The following ATP8B4 variants were observed in gnomAD, a reference collection of about 807,000 sequenced individuals.
The protein encoded by ATP8B4 is probable phospholipid-transporting ATPase IM.
A neutral mutation model predicts 145.6 loss-of-function variants in ATP8B4; 133 were observed. The ratio of observed to expected loss-of-function variants is 0.91; its 90% CI spans 0.79 to 1.05. ATP8B4 has a LOEUF of 1.05. Ranked by LOEUF, ATP8B4 falls within the 50% of genes least tolerant of loss-of-function variation. ATP8B4 has a pLI of 0.00. For missense variants in ATP8B4, 1,458 were observed against 1,425.2 expected (o/e 1.02, Z -0.37); for synonymous variants, 507 against 492.9 (o/e 1.03, Z -0.38).
rs571081231 is a variant in ATP8B4 at position 50,130,800 on chromosome 15, A to C, written c.-42-23792T>G. On this transcript the variant is annotated intron_variant, in intron 1 of 3. Transcript: ENST00000558829. The stretch of plus-strand genomic sequence containing the variant: ...AAAAAAAATTAAAAAAATAAAAATA[A>C]ATAAGAGTCTTGGATTGCAATGTCT... Among the ~76,000 whole-genome samples, 3 of 152,168 alleles carry C rather than the reference A, an allele frequency of 2.0e-5. No homozygotes were observed. The East Asian group carries it at 5.8e-4, about 29-fold the overall frequency.
At chr15:50,092,015 T>G (rs1202334725) in intron 2 of ATP8B4, among the ~76,000 whole-genome samples, 1 of 152,088 alleles carries the variant, frequency 6.6e-6, no homozygotes, top group African/African-American at 2.4e-5. Context: ...AACCTGATAT[T>G]CTGTACCTTT....
At chr15:50,052,480 G>A (rs114062754) in intron 3 of ATP8B4, among the ~76,000 whole-genome samples, 383 of 152,338 alleles carry the variant, frequency 2.5e-3, no homozygotes, top group African/African-American at 8.8e-3. Context: ...GTGCCTCCCC[G>A]TAAATGAATG....
At chr15:50,149,173 A>G (rs1394333961) in intron 1 of ATP8B4, among the ~76,000 whole-genome samples, 3 of 152,188 alleles carry the variant, frequency 2.0e-5, no homozygotes, top group African/African-American at 4.8e-5. Flanking sequence ...CTGACACATG[A>G]TTAGGCTCAG....
intron 14 of ATP8B4, among the ~76,000 whole-genome samples, chr15:49,951,000 G>A (rs1020539980): frequency 6.6e-6 from 1 of 152,282 alleles, no homozygotes; most frequent in African/African-American, 2.4e-5. Context: ...ATGAAATTGT[G>A]TCATTTTGAG....
intron 16 of ATP8B4, among the ~76,000 whole-genome samples, chr15:49,928,423 G>A (rs557327876): frequency 6.6e-6 from 1 of 152,154 alleles, no homozygotes; most frequent in South Asian, 2.1e-4. Flanking sequence ...ATCCAGGGAT[G>A]GTGAGGTCTA....
intron 14 of ATP8B4, among the ~76,000 whole-genome samples, chr15:49,948,122 G>A (rs936065911): frequency 2.0e-5 from 3 of 152,010 alleles, no homozygotes; most frequent in Admixed American, 1.3e-4. Flanking sequence ...AAACAAATAA[G>A]TGGAACTATA....
At chr15:49,876,626 TA>T in intron 24 of ATP8B4, 103 bp from the exon 25 acceptor site, 1 of 1,456,532 alleles carries the variant, frequency 6.9e-7, no homozygotes. Flanking sequence ...AAACATGTCC[TA>T]AAATGCACTA....
At chr15:49,862,706 C>G (rs190113977) in intron 26 of ATP8B4, among the ~76,000 whole-genome samples, 1 of 152,156 alleles carries the variant, frequency 6.6e-6, no homozygotes, top group Non-Finnish European at 1.5e-5. Flanking sequence ...CCTCCTGCCT[C>G]GGCCTCCCAA....
At chr15:49,872,337 A>G (rs536423548) in intron 25 of ATP8B4, among the ~76,000 whole-genome samples, 2 of 152,182 alleles carry the variant, frequency 1.3e-5, no homozygotes, top group African/African-American at 2.4e-5. Context: ...CAGTTTTAAC[A>G]TATAACCACT....
intron 21 of ATP8B4, among the ~76,000 whole-genome samples, chr15:49,900,805 TTAAA>T (rs2037938547): frequency 6.6e-6 from 1 of 152,188 alleles, no homozygotes; most frequent in African/African-American, 2.4e-5. Context: ...AGAAAGGCAC[TTAAA>T]TAATACTGCT....
rs773553416 is a variant in ATP8B4 at position 49,876,486 on chromosome 15, A to G, written c.2819T>C (p.Leu940Pro). Reference sequence around the variant, plus strand: ...CAGATTCAGCTGTCCTGGTTTGTAGAGCTGGGGACAGTCCACGCTGTTCTG... The same window carrying G: ...CAGATTCAGCTGTCCTGGTTTGTAGGGCTGGGGACAGTCCACGCTGTTCTG... ...SDQNSVDCPQ[L>P]YKPGQLNLLF... Residue 940 changes from leucine to proline, a missense_variant, in exon 25 of 28, where the codon CTC becomes CCC. By Grantham distance (98) the Leu-to-Pro change is moderately conservative (BLOSUM62 -3). Coordinates refer to ENST00000284509, the MANE Select transcript of ATP8B4 (RefSeq NM_024837.4). 4.3e-6 allele frequency: 7 copies of G among 1,614,116 alleles called. No homozygotes were observed. Among genetic ancestry groups the G allele is most frequent in the Non-Finnish European group, 5.9e-6 (7 of 1,179,952 alleles).
At chr15:50,037,760 CTATGGTTTTAACT>C (rs1466397077) in intron 6 of ATP8B4, among the ~76,000 whole-genome samples, 1 of 152,174 alleles carries the variant, frequency 6.6e-6, no homozygotes, top group Non-Finnish European at 1.5e-5. Flanking sequence ...GTCTCTACAA[CTATGGTTTTAACT>C]TAAGATCATT....
chr15:50,107,433 A>G (rs1328525432), intron 1 of ATP8B4, among the ~76,000 whole-genome samples: 1 of 152,214 alleles, frequency 6.6e-6, no homozygotes, highest in Non-Finnish European at 1.5e-5. Context: ...CCCAGGCTCT[A>G]GAGAAACAAA....
chr15:50,121,606 G>T (rs1381468124), upstream of ATP8B4, among the ~76,000 whole-genome samples: 1 of 152,104 alleles, frequency 6.6e-6, no homozygotes, highest in Non-Finnish European at 1.5e-5. Flanking sequence ...TATTACTAGT[G>T]TGACTGCAAA....
chr15:50,063,122 G>C (rs953496252), intron 3 of ATP8B4, among the ~76,000 whole-genome samples: 2 of 151,544 alleles, frequency 1.3e-5, no homozygotes, highest in East Asian at 1.9e-4. Flanking sequence ...TTAAGACAGA[G>C]AGCAATATTA....
intron 8 of ATP8B4, 99 bp downstream of exon 8, chr15:50,002,054 T>C: frequency 1.0e-6 from 1 of 981,266 alleles, no homozygotes; most frequent in Non-Finnish European, 1.5e-6. Flanking sequence ...CTCCTATGTC[T>C]CCCAAGAAGA....
chr15:50,117,627 A>G (rs550911624), intron 1 of ATP8B4, among the ~76,000 whole-genome samples: 4 of 152,202 alleles, frequency 2.6e-5, no homozygotes, highest in Non-Finnish European at 4.4e-5. Flanking sequence ...CAGATCCACC[A>G]TATGATCCAG....
At chr15:50,052,704 C>T (rs576810648) in intron 3 of ATP8B4, among the ~76,000 whole-genome samples, 9 of 152,212 alleles carry the variant, frequency 5.9e-5, no homozygotes, top group African/African-American at 1.2e-4. Context: ...AATATTTTAA[C>T]GCAAAGGCCC....
At chr15:49,864,756 A>G (rs906402359) in intron 26 of ATP8B4, among the ~76,000 whole-genome samples, 2 of 152,212 alleles carry the variant, frequency 1.3e-5, no homozygotes, top group East Asian at 1.9e-4. Context: ...ATGAATAATA[A>G]TAATCACCAT....
Sources: allele counts gnomAD v4.1 joint callset (sites outside exome capture counted in the v4.1 genomes callset), GRCh38; gene constraint gnomAD v4.1.1; transcripts MANE v1.5; gene names NCBI Gene and HGNC (gene_info 2026-07-23, HGNC 2026-07-21).